The following ANAPC1 variants were observed in gnomAD, a reference collection of about 807,000 sequenced individuals.
ANAPC1 encodes the protein anaphase-promoting complex subunit 1.
ANAPC1 carries 36 observed loss-of-function variants against 208.0 expected under a neutral mutation model. The ratio of observed to expected loss-of-function variants is 0.17; its 90% CI spans 0.13 to 0.23. The LOEUF is 0.23. ANAPC1 is among the 10% of genes least tolerant of loss of function. The pLI, the probability that ANAPC1 is intolerant of heterozygous loss-of-function variation, is 1.00. For missense variants in ANAPC1, 942 were observed against 2,011.6 expected (o/e 0.47, Z 10.17); for synonymous variants, 378 against 695.2 (o/e 0.54, Z 7.18).
At chr2:111,767,109 TTTCTATCTATCTAA>T, downstream of ANAPC1, 1 of 387,482 alleles carries the variant, frequency 2.6e-6, no homozygotes, top group East Asian at 7.7e-5. Flanking sequence ...ATGATACCTA[TTTCTATCTATCTAA>T]GTAGAAAAGA....
chr2:111,834,954 A>G, intron 18 of ANAPC1, 82 bp from the exon 19 acceptor site: 1 of 1,215,022 alleles, frequency 8.2e-7, no homozygotes, highest in African/African-American at 1.6e-5. Flanking sequence ...ACTTAAAACA[A>G]TTCAAGTTTC....
At chr2:111,830,918 T>C (rs185243391) in intron 21 of ANAPC1, among the ~76,000 whole-genome samples, 160 of 152,368 alleles carry the variant, frequency 1.1e-3, no homozygotes, top group Non-Finnish European at 1.9e-3. Flanking sequence ...GCAAAACTTA[T>C]GTTCACATAA....
intron 39 of ANAPC1, among the ~76,000 whole-genome samples, chr2:111,786,024 A>C (rs1428206601): frequency 1.3e-5 from 2 of 152,014 alleles, no homozygotes; most frequent in African/African-American, 2.4e-5. Flanking sequence ...TGGGGTTCTC[A>C]AACAGTTTTT....
At chr2:111,797,543 A>G (rs1678226032) in intron 34 of ANAPC1, among the ~76,000 whole-genome samples, 1 of 150,580 alleles carries the variant, frequency 6.6e-6, no homozygotes. Flanking sequence ...GTGATTAACA[A>G]AACTGGAAGA....
downstream of ANAPC1, among the ~76,000 whole-genome samples, chr2:111,767,380 G>A (rs1676500989): frequency 6.6e-6 from 1 of 150,820 alleles, no homozygotes; most frequent in African/African-American, 2.5e-5. Context: ...GATGGTGAGA[G>A]CCATACCCTC....
At chr2:111,866,745 A>G (rs1197745172) in intron 7 of ANAPC1, among the ~76,000 whole-genome samples, 1 of 151,522 alleles carries the variant, frequency 6.6e-6, no homozygotes, top group African/African-American at 2.4e-5. Context: ...AAATGAAAAT[A>G]AAACGACTAA....
intron 43 of ANAPC1, among the ~76,000 whole-genome samples, chr2:111,781,904 G>A (rs1397065169): frequency 6.6e-6 from 1 of 152,288 alleles, no homozygotes; most frequent in East Asian, 1.9e-4. Context: ...AAATAATAAA[G>A]CAAACTAATA....
chr2:111,838,407 A>C, intron 18 of ANAPC1, 31 bp downstream of exon 18: 2 of 1,547,230 alleles, frequency 1.3e-6, no homozygotes, highest in Non-Finnish European at 1.7e-6. Flanking sequence ...CCATAAATTA[A>C]TTTATATTAG....
intron 28 of ANAPC1, among the ~76,000 whole-genome samples, chr2:111,812,437 T>A (rs1679043021): frequency 1.2e-5 from 1 of 86,602 alleles, no homozygotes; most frequent in African/African-American, 3.8e-5. Flanking sequence ...ACTCAGACAC[T>A]GCTCTAGGAA....
At chr2:111,794,988 T>C in intron 34 of ANAPC1, 94 bp from the exon 35 acceptor site, 1 of 1,316,000 alleles carries the variant, frequency 7.6e-7, no homozygotes, top group Non-Finnish European at 1.0e-6. Flanking sequence ...ATCATGGCTA[T>C]ATTTATATAA....
At position 111,826,661 on chromosome 2, in the gene ANAPC1, A is replaced by ATT. The variant is rs35434299; in HGVS notation, c.2626-808_2626-807dup. ...ATGACCAAAGCTGCTTTATTTATTT[A>ATT]TTTATTTTTTTTTTTTTTGAGACGG... On this transcript the variant is annotated intron_variant, in intron 21 of 47. Coordinates refer to ENST00000341068, the MANE Select transcript of ANAPC1 (RefSeq NM_022662.4). Among the ~76,000 whole-genome samples the ATT allele has an allele frequency of 4.5e-3, 514 of 115,010 alleles. 5 individuals carry two copies. Among genetic ancestry groups the ATT allele is most frequent in the South Asian group, 6.7e-3 (23 of 3,408 alleles). 75.5% of individuals were successfully genotyped at this position (115,010 alleles called of 152,430 possible).
rs186259433 is a variant in ANAPC1 at position 111,879,898 on chromosome 2, A to G, written c.213+715T>C. Among the ~76,000 whole-genome samples, 402 of 152,050 alleles carry G rather than the reference A, an allele frequency of 2.6e-3. 4 individuals carry two copies. The highest frequency in any genetic ancestry group is 8.9e-3 in the African/African-American group (368 of 41,484). On this transcript the variant is annotated intron_variant, in intron 2 of 47. Coordinates refer to ENST00000341068, the MANE Select transcript of ANAPC1 (RefSeq NM_022662.4). ...AGGAAAAAAAAAAAGCTATTACTCT[A>G]CCTACTTTTGTGGCATTTCTTCTCT... is the stretch of plus-strand genomic sequence containing the variant.
At chr2:111,837,853 G>A (rs1680552749) in intron 18 of ANAPC1, among the ~76,000 whole-genome samples, 1 of 152,078 alleles carries the variant, frequency 6.6e-6, no homozygotes, top group Admixed American at 6.5e-5. Flanking sequence ...GGACACCAAG[G>A]TTAGGAAGGT....
chr2:111,830,163 G>A (rs1273793422), intron 21 of ANAPC1, among the ~76,000 whole-genome samples: 2 of 152,164 alleles, frequency 1.3e-5, no homozygotes, highest in African/African-American at 4.8e-5. Context: ...TTACTATAAA[G>A]CTACAGTAAT....
At chr2:111,782,267 A>G (rs1409722395) in intron 43 of ANAPC1, 102 bp downstream of exon 43, 5 of 1,384,706 alleles carry the variant, frequency 3.6e-6, no homozygotes, top group Non-Finnish European at 4.9e-6. Context: ...ATCTGCAACA[A>G]TGAAAAAGGA....
chr2:111,873,618 G>C lies in ANAPC1; in HGVS notation c.422C>G (p.Ala141Gly), dbSNP rs777689895. The C allele has an allele frequency of 6.3e-7, 1 of 1,578,000 alleles. No individual in the cohort carries two copies. ...AATTTCAAAAAGAAACTTACTGTAG[G>C]CCTTTTCAGACTTATCCTGTGATAT... Reference protein sequence around the residue: ...FIISQDKSEKAYSSNEVEKCI... With the variant: ...FIISQDKSEKGYSSNEVEKCI... Residue 141 changes from alanine to glycine, a missense_variant, in exon 4 of 48, where the codon GCC (alanine) becomes GGC (glycine). Transcript: ENST00000341068.
At chr2:111,783,463 G>T (rs1030724809) in intron 42 of ANAPC1, among the ~76,000 whole-genome samples, 1 of 151,214 alleles carries the variant, frequency 6.6e-6, no homozygotes, top group East Asian at 2.0e-4. Context: ...TTTGCCTTCT[G>T]CCATGACTGT....
intron 15 of ANAPC1, 69 bp downstream of exon 15, chr2:111,847,656 A>C: frequency 7.5e-7 from 1 of 1,332,648 alleles, no homozygotes; most frequent in East Asian, 2.7e-5. Context: ...TTTCAGACAA[A>C]ATTCTGTATT....
At chr2:111,874,969 C>A (rs1682945360) in intron 3 of ANAPC1, among the ~76,000 whole-genome samples, 1 of 152,208 alleles carries the variant, frequency 6.6e-6, no homozygotes. Context: ...CAGGCATGCA[C>A]CACCATGCCT....
Sources: gnomAD v4.1 joint callset for allele counts (sites outside exome capture counted in the v4.1 genomes callset) on GRCh38, gnomAD v4.1.1 for gene constraint, MANE v1.5 for transcripts, NCBI Gene and HGNC (gene_info 2026-07-23, HGNC 2026-07-21) for gene names.